The following AHCTF1 variants were observed in gnomAD, a reference collection of about 807,000 sequenced individuals.
AHCTF1 encodes the protein AT-hook containing transcription factor 1.
In AHCTF1, 24 loss-of-function variants were observed where a neutral mutation model predicts 248.4. The observed-to-expected ratio is 0.10, with a 90% CI of 0.07 to 0.14. The LOEUF is 0.14. AHCTF1 is among the 10% of genes least tolerant of loss of function. AHCTF1 has a pLI of 1.00. For missense variants in AHCTF1, 2,206 were observed against 2,636.2 expected (o/e 0.84, Z 3.57); for synonymous variants, 786 against 929.8 (o/e 0.85, Z 2.81).
intron 24 of AHCTF1, among the ~76,000 whole-genome samples, chr1:246,871,042 T>C (rs1199245696): frequency 6.6e-6 from 1 of 152,204 alleles, no homozygotes; most frequent in Non-Finnish European, 1.5e-5. Flanking sequence ...CCAAACCTTT[T>C]GACTTATCTG....
At chr1:246,847,362 T>G (rs973269349) in intron 33 of AHCTF1, among the ~76,000 whole-genome samples, 1 of 151,900 alleles carries the variant, frequency 6.6e-6, no homozygotes, top group Non-Finnish European at 1.5e-5. Context: ...GCAGAATATA[T>G]GCACGTACAT....
At chr1:246,886,528 A>ATC (rs1186893176) in intron 20 of AHCTF1, among the ~76,000 whole-genome samples, 1 of 152,176 alleles carries the variant, frequency 6.6e-6, no homozygotes, top group Non-Finnish European at 1.5e-5. Context: ...AATAATTGTT[A>ATC]TAGTGTAACA....
At position 246,885,482 on chromosome 1, in the gene AHCTF1, G is replaced by A. The variant is rs1447920440; in HGVS notation, c.2660+11C>T. On this transcript the variant is annotated intron_variant, in intron 21 of 35. Coordinates refer to ENST00000648844, the MANE Select transcript of AHCTF1 (RefSeq NM_001323342.2). ...CGATAAAGACTTTATAGTTTCAAAA[G>A]ATGTACTTACCTATTAAAAAGCAAA... 1.3e-6 allele frequency: 2 copies of A among 1,572,224 alleles called. No individual in the cohort carries two copies. The highest frequency in any genetic ancestry group is 3.5e-5 in the Admixed American group (2 of 56,540).
intron 4 of AHCTF1, among the ~76,000 whole-genome samples, chr1:246,909,248 A>AG (rs1179892305): frequency 1.5e-5 from 1 of 65,944 alleles, no homozygotes; most frequent in Non-Finnish European, 2.8e-5. Context: ...CGGCTCTACT[A>AG]AAAAAAAAAA....
chr1:246,929,782 G>A (rs967863647), intron 1 of AHCTF1, among the ~76,000 whole-genome samples: 5 of 152,232 alleles, frequency 3.3e-5, no homozygotes, highest in South Asian at 2.1e-4. Flanking sequence ...AGCCGGGCGC[G>A]GTGGCTCACG....
chr1:246,865,169 C>A (rs1572384680), intron 26 of AHCTF1: 1 of 152,184 alleles, frequency 6.6e-6, no homozygotes, highest in East Asian at 1.9e-4. Flanking sequence ...TTCTCGATTT[C>A]CTAATAAACA....
intron 33 of AHCTF1, among the ~76,000 whole-genome samples, chr1:246,848,313 ACACCATTCTCCTGCCTCAGTCTCC>A (rs1386079708): frequency 2.0e-5 from 3 of 151,886 alleles, no homozygotes; most frequent in Admixed American, 2.0e-4. Context: ...TCCCAGGTTC[ACACCATTCTCCTGCCTCAGTCTCC>A]CGAGTAGCTG....
At position 246,840,956 on chromosome 1, in the gene AHCTF1, T is replaced by C. The variant is rs1325997408; in HGVS notation, c.6651A>G (p.Glu2217=). ...KESAWSPPPI[E]IRLISPLASP... is the part of the protein sequence containing the mutation. ...TAGCCAAGGGGGAAATCAGCCGAAT[T>C]TCTATGGGAGGAGGTGACCAAGCAC... Residue 2217 remains glutamate (E), a synonymous_variant, in exon 36 of 36, where the codon GAA becomes GAG. Coordinates refer to ENST00000648844, the MANE Select transcript of AHCTF1 (RefSeq NM_001323342.2). The C allele has an allele frequency of 2.5e-6, 4 of 1,612,092 alleles. No homozygotes were observed. The highest frequency in any genetic ancestry group is 3.4e-6 in the Non-Finnish European group (4 of 1,179,436).
At chr1:246,924,570 TTTC>T (rs1328671053) in intron 1 of AHCTF1, among the ~76,000 whole-genome samples, 1 of 152,156 alleles carries the variant, frequency 6.6e-6, no homozygotes, top group Non-Finnish European at 1.5e-5. Flanking sequence ...CCTAACGTTC[TTTC>T]TTGTCATTCT....
Position 246,876,930 on chromosome 1 carries a change from T to G in AHCTF1, c.2937+20A>C, listed in dbSNP as rs193119424. 5 of 1,610,728 alleles carry G rather than the reference T, an allele frequency of 3.1e-6. No homozygotes were observed. The highest frequency in any genetic ancestry group is 2.3e-4 in the Middle Eastern group (1 of 4,416). On this transcript the variant is annotated intron_variant, in intron 23 of 35. Coordinates refer to ENST00000648844, the MANE Select transcript of AHCTF1 (RefSeq NM_001323342.2). ...TTCCTTATTCTCTTATCCCCCATAATAAGACAACTTTAATCGTACCATAAC... is the reference window on the plus strand; with the variant it reads ...TTCCTTATTCTCTTATCCCCCATAAGAAGACAACTTTAATCGTACCATAAC...
In AHCTF1 at chr1:246,929,305, AG is replaced by A. The variant is rs1053738960; in HGVS notation, c.-8+2272del. Among the ~76,000 whole-genome samples, 19 of 152,162 alleles carry A rather than the reference AG, an allele frequency of 1.2e-4. 1 individual carries two copies. Among genetic ancestry groups the A allele is most frequent in the Admixed American group, 3.9e-4 (6 of 15,276 alleles). ...GTTCCTGTAGTCCCAGCTACTCGGGAGGCTGAGGCACAAGAATCGCTTGAGC... is the reference window on the plus strand; with the variant it reads ...GTTCCTGTAGTCCCAGCTACTCGGGAGCTGAGGCACAAGAATCGCTTGAGC... On this transcript the variant is annotated intron_variant, in intron 1 of 35. Transcript: ENST00000648844.
chr1:246,865,915 T>C (rs936886960), intron 26 of AHCTF1, among the ~76,000 whole-genome samples: 1 of 152,188 alleles, frequency 6.6e-6, no homozygotes, highest in Non-Finnish European at 1.5e-5. Flanking sequence ...TAGTGGTATT[T>C]AAAAAATTGA....
chr1:246,909,394 CAAAAAAAAAAAAAAAA>C (rs55998210), intron 4 of AHCTF1, among the ~76,000 whole-genome samples: 9 of 62,386 alleles, frequency 1.4e-4, no homozygotes, highest in Admixed American at 6.4e-4. Context: ...TCCAGCCTCT[CAAAAAAAAAAAAAAAA>C]AAAAAAAAAA....
rs1044812611 is a variant in AHCTF1 at position 246,898,281 on chromosome 1, C to T, written c.1550G>A (p.Gly517Asp). 1.9e-6 allele frequency: 3 copies of T among 1,612,968 alleles called. No individual in the cohort carries two copies. The East Asian group carries it at 6.7e-5, about 36-fold the overall frequency. The change falls in exon 12 of 36, where the codon GGT becomes GAT. Residue 517 changes from glycine (G) to aspartate (D), a missense_variant. This residue lies in a region of AHCTF1 where 650 missense variants were observed against 870.8 expected (regional missense o/e 0.75). Transcript: ENST00000648844. ...GCCAGCTACAAGACATCGATTATAACCATCAGGAATGAGTTCATTGAGTGA... is the reference window on the plus strand; with the variant it reads ...GCCAGCTACAAGACATCGATTATAATCATCAGGAATGAGTTCATTGAGTGA... ...GPSLNELIPD[G>D]YNRCLVAGLL...
intron 4 of AHCTF1, among the ~76,000 whole-genome samples, chr1:246,910,988 T>C (rs1009662043): frequency 1.3e-5 from 2 of 152,254 alleles, no homozygotes; most frequent in South Asian, 2.1e-4. Context: ...GCCTAAACAG[T>C]TGTAATCATA....
chr1:246,895,685 A>T (rs1664524643), intron 13 of AHCTF1, 150 bp downstream of exon 13: 1 of 614,034 alleles, frequency 1.6e-6, no homozygotes, highest in African/African-American at 1.9e-5. Context: ...CAAACGTGCT[A>T]AAGGGGGTGG....
In AHCTF1 at chr1:246,842,691, T is replaced by C. The variant is rs1377534349; in HGVS notation, c.6608+3A>G. 7 of 1,612,558 alleles carry C rather than the reference T, an allele frequency of 4.3e-6. No homozygotes were observed. Among genetic ancestry groups the C allele is most frequent in the African/African-American group, 2.7e-5 (2 of 74,914 alleles). On this transcript the variant is annotated splice_donor_region_variant and intron_variant, in intron 35 of 35. Transcript: ENST00000648844. ...CAATCAAGAACAGAACAGAAAGTCA[T>C]ACTTGCTTGCTTGTTTTGTTTTTGA...
At chr1:246,913,448 C>T in intron 3 of AHCTF1, 36 bp from the exon 4 acceptor site, 1 of 1,552,224 alleles carries the variant, frequency 6.4e-7, no homozygotes, top group Non-Finnish European at 8.8e-7. Context: ...TTTTCTTCTG[C>T]AAAGTAAGAA....
intron 27 of AHCTF1, 95 bp downstream of exon 27, chr1:246,863,829 G>A: frequency 8.1e-7 from 1 of 1,234,304 alleles, no homozygotes; most frequent in Non-Finnish European, 1.2e-6. Flanking sequence ...CACTCCCCAA[G>A]CGTATCAGTT....
Sources: allele counts gnomAD v4.1 joint callset (sites outside exome capture counted in the v4.1 genomes callset), GRCh38; gene constraint gnomAD v4.1.1; regional missense constraint gnomAD v4.1.1; transcripts MANE v1.5; gene names NCBI Gene and HGNC (gene_info 2026-07-23, HGNC 2026-07-21).